Variants in CCDC192 observed in about 807,000 individuals in gnomAD.
CCDC192 encodes coiled-coil domain-containing protein 192.
At chr5:127,708,948 G>A (rs1027956825) in intron 2 of CCDC192, among the ~76,000 whole-genome samples, 2 of 151,968 alleles carry the variant, frequency 1.3e-5, no homozygotes, top group Admixed American at 1.3e-4. Flanking sequence ...CTGAGACTGG[G>A]TAATATATAA....
chr5:127,740,150 C>T (rs370362593), intron 2 of CCDC192: 1 of 152,262 alleles, frequency 6.6e-6, no homozygotes. Flanking sequence ...ATGGCCAGTG[C>T]AGAGGTCAAG....
chr5:127,889,071 A>G (rs559290813), intron 6 of CCDC192, among the ~76,000 whole-genome samples: 31 of 152,362 alleles, frequency 2.0e-4, no homozygotes, highest in Admixed American at 2.0e-3. Flanking sequence ...ACCTTAATTT[A>G]TTCATCAATA....
At chr5:127,717,216 T>C (rs547273080) in intron 2 of CCDC192, among the ~76,000 whole-genome samples, 1 of 152,310 alleles carries the variant, frequency 6.6e-6, no homozygotes, top group South Asian at 2.1e-4. Context: ...TGTTCATATA[T>C]TCAATTTTAA....
At chr5:127,906,523 C>T (rs1753197974) in intron 6 of CCDC192, among the ~76,000 whole-genome samples, 1 of 151,220 alleles carries the variant, frequency 6.6e-6, no homozygotes. Flanking sequence ...CAGTGGCTCA[C>T]ACCTGTAATC....
intron 5 of CCDC192, among the ~76,000 whole-genome samples, chr5:127,875,073 C>T (rs1020288813): frequency 1.1e-4 from 16 of 152,064 alleles, no homozygotes; most frequent in African/African-American, 3.4e-4. Context: ...GTTTGGTGGT[C>T]GTATCACACT....
chr5:127,905,874 A>G (rs1228068710), intron 6 of CCDC192, among the ~76,000 whole-genome samples: 1 of 152,226 alleles, frequency 6.6e-6, no homozygotes, highest in Non-Finnish European at 1.5e-5. Flanking sequence ...AAATTAACTA[A>G]TTTATGCCAG....
intron 3 of CCDC192, among the ~76,000 whole-genome samples, chr5:127,778,388 C>T (rs191412476): frequency 1.3e-3 from 197 of 152,258 alleles, no homozygotes; most frequent in Non-Finnish European, 2.4e-3. Context: ...TATTTTTCCT[C>T]TATTCTATCA....
intron 3 of CCDC192, among the ~76,000 whole-genome samples, chr5:127,791,149 A>G (rs1287736916): frequency 6.6e-6 from 1 of 152,214 alleles, no homozygotes; most frequent in East Asian, 1.9e-4. Flanking sequence ...AGAATGGACA[A>G]CATTCATCTG....
At chr5:127,896,854 C>T (rs575401446) in intron 6 of CCDC192, among the ~76,000 whole-genome samples, 4 of 152,286 alleles carry the variant, frequency 2.6e-5, no homozygotes, top group South Asian at 2.1e-4. Flanking sequence ...AATATAATTG[C>T]TCAATCAGAA....
intron 5 of CCDC192, among the ~76,000 whole-genome samples, chr5:127,812,190 A>C (rs790478): frequency 0.34 from 52,024 of 152,094 alleles, 9,915 homozygotes; most frequent in South Asian, 0.48. Context: ...ATTTTATGTA[A>C]GTGCTTGCTA....
intron 2 of CCDC192, among the ~76,000 whole-genome samples, chr5:127,736,721 G>C (rs1162138051): frequency 6.6e-6 from 1 of 150,982 alleles, no homozygotes; most frequent in African/African-American, 2.5e-5. Context: ...TTGCATAGAG[G>C]TGTTTGTAGT....
intron 5 of CCDC192, among the ~76,000 whole-genome samples, chr5:127,832,245 A>T (rs748611866): frequency 6.6e-6 from 1 of 152,206 alleles, no homozygotes; most frequent in Non-Finnish European, 1.5e-5. Flanking sequence ...AGGCTTCAAT[A>T]CTAGAGAAGA....
chr5:127,899,437 T>C (rs943701991), intron 6 of CCDC192, among the ~76,000 whole-genome samples: 5 of 152,130 alleles, frequency 3.3e-5, no homozygotes, highest in Admixed American at 2.0e-4. Flanking sequence ...TGGAACAACA[T>C]GTGGGCTGGC....
At chr5:127,803,574 A>T (rs1757620109) in intron 5 of CCDC192, among the ~76,000 whole-genome samples, 1 of 152,238 alleles carries the variant, frequency 6.6e-6, no homozygotes, top group South Asian at 2.1e-4. Context: ...CAAATTATGG[A>T]ATCCATATGT....
intron 5 of CCDC192, among the ~76,000 whole-genome samples, chr5:127,850,430 T>C (rs1273909937): frequency 6.6e-6 from 1 of 152,184 alleles, no homozygotes; most frequent in Non-Finnish European, 1.5e-5. Flanking sequence ...GCAGTAGGCA[T>C]CTTGGTGGAT....
At chr5:127,739,216 G>C (rs561291926) in intron 2 of CCDC192, among the ~76,000 whole-genome samples, 1 of 152,126 alleles carries the variant, frequency 6.6e-6, no homozygotes, top group Non-Finnish European at 1.5e-5. Flanking sequence ...GCCCCTGCTG[G>C]GGGGTGCCTC....
intron 2 of CCDC192, among the ~76,000 whole-genome samples, chr5:127,733,773 C>G (rs993655677): frequency 1.3e-5 from 2 of 151,784 alleles, no homozygotes; most frequent in African/African-American, 4.8e-5. Context: ...CAGAATGACC[C>G]TGTCCACCAA....
At chr5:127,831,467 C>G (rs1236652707) in intron 5 of CCDC192, among the ~76,000 whole-genome samples, 2 of 151,978 alleles carry the variant, frequency 1.3e-5, no homozygotes. Flanking sequence ...TTTTTATAGT[C>G]TGAGCTTTCT....
chr5:127,735,877 G>C lies in CCDC192; in HGVS notation c.115-18391G>C, dbSNP rs1393790065. Among the ~76,000 whole-genome samples, 3 of 136,638 alleles carry C rather than the reference G, an allele frequency of 2.2e-5. 1 individual carries two copies. The highest frequency in any genetic ancestry group is 3.1e-5 in the African/African-American group (1 of 32,698). 89.6% of individuals were successfully genotyped at this position (136,638 alleles called of 152,430 possible). On this transcript the variant is annotated intron_variant, in intron 2 of 6. Coordinates refer to ENST00000514853, the MANE Select transcript of CCDC192 (RefSeq NM_001317938.2). Reference sequence around the variant, plus strand: ...TATACAATCATGTCTTCTGCAAAGAGGGACAATTTGACTTCCTCTTTTCCT... The same window carrying C: ...TATACAATCATGTCTTCTGCAAAGACGGACAATTTGACTTCCTCTTTTCCT...
Sources: gnomAD v4.1 joint callset for allele counts (sites outside exome capture counted in the v4.1 genomes callset) on GRCh38, gnomAD v4.1.1 for gene constraint, MANE v1.5 for transcripts, NCBI Gene and HGNC (gene_info 2026-07-23, HGNC 2026-07-21) for gene names.